SSPN: variants seen among roughly 807,000 people sequenced by gnomAD.
The protein encoded by SSPN is K-ras oncogene-associated protein.
In SSPN, 15 loss-of-function variants were observed where a neutral mutation model predicts 19.1. The observed-to-expected ratio is 0.78, with a 90% confidence interval of 0.52 to 1.21. The LOEUF is 1.21. Among genes scored for constraint, SSPN ranks in the 50% most tolerant of loss-of-function variants. SSPN has a pLI of 0.00. For missense variants in SSPN, 291 were observed against 314.0 expected, an observed-to-expected ratio of 0.93 and a Z score of 0.55; for synonymous variants, 147 against 140.3, an observed-to-expected ratio of 1.05 and a Z score of -0.34.
intron 1 of SSPN, among the ~76,000 whole-genome samples, chr12:26,205,617 A>G (rs1944924685): frequency 6.6e-6 from 1 of 152,144 alleles, no homozygotes; most frequent in African/African-American, 2.4e-5. Flanking sequence ...ATTCTGTTGG[A>G]GGTTGGAGGT....
At chr12:26,132,640 G>T (rs989076436) in intron 1 of SSPN, among the ~76,000 whole-genome samples, 2 of 152,064 alleles carry the variant, frequency 1.3e-5, no homozygotes, top group African/African-American at 2.4e-5. Flanking sequence ...TCCCCAATTT[G>T]CCCTAGCTCC....
Position 26,130,126 on chromosome 12 carries a change from A to G in SSPN, c.-31+7974A>G, listed in dbSNP as rs192992395. Among the ~76,000 whole-genome samples the G allele has an allele frequency of 3.9e-5, 6 of 152,298 alleles. No homozygotes were observed. In the East Asian group the frequency reaches 9.6e-4, roughly 24 times the overall value. Reference sequence around the variant, plus strand: ...TGACAACCCCATTAAGGACTTTCACAAAGTGTTCTCTACCATTTCTCTGGA... The same window carrying G: ...TGACAACCCCATTAAGGACTTTCACGAAGTGTTCTCTACCATTTCTCTGGA... On this transcript the variant is annotated intron_variant, in intron 1 of 2. Coordinates refer to the SSPN transcript ENST00000538142.
In SSPN at chr12:26,134,984, G is replaced by C. The variant is rs1341583467; in HGVS notation, c.-31+12832G>C. The C allele has an allele frequency of 8.3e-4, 126 of 152,458 alleles. 1 individual carries two copies. The highest frequency in any genetic ancestry group is 1.5e-4 in the Non-Finnish European group (10 of 68,124). 9.4% of individuals were successfully genotyped at this position (152,458 alleles called of 1,614,324 possible). On this transcript the variant is annotated intron_variant, in intron 1 of 2. Transcript: ENST00000538142. ...TGTTTGTCATTGTACCAGGATTGAT[G>C]TGCTCGGTGCCCAGAAGGCAGTAAG...
chr12:26,194,227 T>G (rs1465634533), upstream of SSPN, among the ~76,000 whole-genome samples: 1 of 152,188 alleles, frequency 6.6e-6, no homozygotes, highest in Non-Finnish European at 1.5e-5. Context: ...ATAATCAGTT[T>G]TATTGATTTC....
intron 1 of SSPN, among the ~76,000 whole-genome samples, chr12:26,127,517 C>T (rs1192401406): frequency 6.6e-6 from 1 of 152,238 alleles, no homozygotes; most frequent in African/African-American, 2.4e-5. Context: ...ACTCAAACTG[C>T]AAATGGGGTC....
chr12:26,196,059 T>G (rs1309451566), intron 1 of SSPN, 108 bp downstream of exon 1: 5 of 960,752 alleles, frequency 5.2e-6, no homozygotes, highest in Non-Finnish European at 5.7e-6. Flanking sequence ...CCGGGTTCAC[T>G]CTTCTAACTC....
Position 26,137,908 on chromosome 12 carries a change from T to A in SSPN, c.-31+15756T>A, listed in dbSNP as rs181498994. 1.1e-3 allele frequency among the ~76,000 whole-genome samples: 170 copies of A among 151,588 alleles called. 1 individual carries two copies. Among genetic ancestry groups the A allele is most frequent in the African/African-American group, 4.0e-3 (164 of 41,288 alleles). On this transcript the variant is annotated intron_variant, in intron 1 of 2. Transcript: ENST00000538142. Reference sequence around the variant, plus strand: ...CTCGAACTCCTGTCCTCAAGTGACCTACCCACCTCAGCCTCCCAAAGTGCT... The same window carrying A: ...CTCGAACTCCTGTCCTCAAGTGACCAACCCACCTCAGCCTCCCAAAGTGCT...
chr12:26,150,770 G>T (rs1944520968), intron 1 of SSPN, among the ~76,000 whole-genome samples: 1 of 152,154 alleles, frequency 6.6e-6, no homozygotes, highest in Admixed American at 6.6e-5. Context: ...TAAGGCTTTT[G>T]ATTTTTTTAG....
intron 1 of SSPN, among the ~76,000 whole-genome samples, chr12:26,207,691 C>T (rs1446218234): frequency 1.3e-5 from 2 of 149,746 alleles, no homozygotes; most frequent in Non-Finnish European, 3.0e-5. Flanking sequence ...TACTGAATTT[C>T]ACTGTTAGGA....
intron 1 of SSPN, among the ~76,000 whole-genome samples, chr12:26,178,177 G>A (rs1163159096): frequency 6.6e-6 from 1 of 152,206 alleles, no homozygotes; most frequent in African/African-American, 2.4e-5. Context: ...GCAACAGAGT[G>A]TAGCACTGAA....
chr12:26,170,176 C>A (rs1380418866), intron 1 of SSPN, among the ~76,000 whole-genome samples: 2 of 152,192 alleles, frequency 1.3e-5, no homozygotes, highest in Non-Finnish European at 2.9e-5. Context: ...ATGAGGAAAT[C>A]TGAAAAGCTA....
chr12:26,179,574 C>G (rs1228333091), intron 1 of SSPN, among the ~76,000 whole-genome samples: 1 of 152,144 alleles, frequency 6.6e-6, no homozygotes, highest in Non-Finnish European at 1.5e-5. Context: ...TAAACCACCA[C>G]CAGGAAACCA....
chr12:26,207,283 C>A (rs1383941637), intron 1 of SSPN, among the ~76,000 whole-genome samples: 5 of 152,152 alleles, frequency 3.3e-5, no homozygotes, highest in African/African-American at 1.2e-4. Context: ...AAATTATAAA[C>A]ATTTCAATTG....
chr12:26,131,546 T>C (rs982843840), intron 1 of SSPN, among the ~76,000 whole-genome samples: 8 of 152,210 alleles, frequency 5.3e-5, no homozygotes, highest in Non-Finnish European at 1.0e-4. Flanking sequence ...GCCACACTTA[T>C]GTAGCATACA....
intron 1 of SSPN, among the ~76,000 whole-genome samples, chr12:26,134,592 T>C (rs1944414735): frequency 6.6e-6 from 1 of 152,238 alleles, no homozygotes; most frequent in African/African-American, 2.4e-5. Context: ...CCAAATCATC[T>C]ATACACTGAA....
chr12:26,124,247 T>A, intron 1 of SSPN: 1 of 940,864 alleles, frequency 1.1e-6, no homozygotes. Context: ...GATATTACCC[T>A]CGTCTGCCCC....
At chr12:26,163,257 A>G (rs1454737643) in intron 1 of SSPN, among the ~76,000 whole-genome samples, 1 of 152,208 alleles carries the variant, frequency 6.6e-6, no homozygotes, top group Non-Finnish European at 1.5e-5. Context: ...TGTTTTTCTT[A>G]AGAAGGCAAT....
intron 1 of SSPN, among the ~76,000 whole-genome samples, chr12:26,203,651 C>T (rs964922087): frequency 6.6e-6 from 1 of 152,164 alleles, no homozygotes; most frequent in African/African-American, 2.4e-5. Flanking sequence ...ATGTGTACAC[C>T]TACACATATG....
chr12:26,226,954 C>A (rs1313957547), intron 2 of SSPN, among the ~76,000 whole-genome samples: 2 of 152,116 alleles, frequency 1.3e-5, no homozygotes, highest in East Asian at 1.9e-4. Context: ...CGAGCGGAGA[C>A]GCGCCCGGGC....
Sources: gnomAD v4.1 joint callset for allele counts (sites outside exome capture counted in the v4.1 genomes callset) on GRCh38, gnomAD v4.1.1 for gene constraint, MANE v1.5 for transcripts, NCBI Gene and HGNC (gene_info 2026-07-23, HGNC 2026-07-21) for gene names.